The following ANKRD44 variants were observed in gnomAD, a reference collection of about 807,000 sequenced individuals.
ANKRD44 encodes the protein ankyrin repeat domain 44, also known as serine/threonine-protein phosphatase 6 regulatory ankyrin repeat subunit B.
Under a neutral mutation model 116.0 loss-of-function variants are expected in ANKRD44, and 35 were observed. The ratio of observed to expected loss-of-function variants is 0.30; its 90% confidence interval spans 0.23 to 0.40. The LOEUF (loss-of-function observed/expected upper bound fraction) is 0.40. Among genes scored for constraint, ANKRD44 ranks in the 10% least tolerant of loss-of-function variants. The pLI is 1.00. For synonymous variants in ANKRD44, 435 were observed against 461.8 expected, an observed-to-expected ratio of 0.94 and a Z score of 0.74; for missense variants, 1,014 against 1,242.6, an observed-to-expected ratio of 0.82 and a Z score of 2.77.
chr2:197,169,582 C>T (rs944270309), intron 2 of ANKRD44, among the ~76,000 whole-genome samples: 2 of 152,194 alleles, frequency 1.3e-5, no homozygotes, highest in African/African-American at 2.4e-5. Flanking sequence ...ACCTCCAGAA[C>T]ATCTGTTTTC....
chr2:197,174,489 C>T (rs964928452), intron 2 of ANKRD44, among the ~76,000 whole-genome samples: 6 of 152,126 alleles, frequency 3.9e-5, no homozygotes, highest in African/African-American at 1.2e-4. Flanking sequence ...ACATATGTAA[C>T]GTTTTTAAAG....
At position 197,273,746 on chromosome 2, in the gene ANKRD44, C is replaced by T. The variant is rs116220125; in HGVS notation, c.27+36832G>A. ...GTTGGCTGGAGCCTGGGAAGTGATACCTTGAAGGCCTAAGGCCCTAAATCA... is the reference window on the plus strand; with the variant it reads ...GTTGGCTGGAGCCTGGGAAGTGATATCTTGAAGGCCTAAGGCCCTAAATCA... On this transcript the variant is annotated intron_variant, in intron 1 of 27. Coordinates refer to ENST00000282272, the MANE Select transcript of ANKRD44 (RefSeq NM_001195144.2). Among the ~76,000 whole-genome samples the T allele has an allele frequency of 8.5e-3, 1,299 of 152,050 alleles. 15 individuals are homozygous for T. The highest frequency in any genetic ancestry group is 0.013 in the Non-Finnish European group (873 of 67,984).
chr2:197,227,608 AAC>A lies in ANKRD44; in HGVS notation c.28-40504_28-40503del, dbSNP rs1491036708. 5.3e-3 allele frequency among the ~76,000 whole-genome samples: 799 copies of A among 152,060 alleles called. 6 individuals carry two copies. Among genetic ancestry groups the A allele is most frequent in the African/African-American group, 0.018 (751 of 41,440 alleles). ...AAAAAGTGTTTGTTTTACCAAAAAA[AAC>A]AAAAATCCTTTGGGGGCAAGAAGAA... On this transcript the variant is annotated intron_variant, in intron 1 of 27. Coordinates refer to ENST00000282272, the MANE Select transcript of ANKRD44 (RefSeq NM_001195144.2).
intron 21 of ANKRD44, among the ~76,000 whole-genome samples, chr2:196,979,446 G>A (rs2075784195): frequency 1.4e-5 from 2 of 147,120 alleles, no homozygotes; most frequent in African/African-American, 5.0e-5. Flanking sequence ...TTTTAAGGAT[G>A]TAAAGCACTC....
intron 15 of ANKRD44, among the ~76,000 whole-genome samples, chr2:197,079,612 A>G (rs2077748622): frequency 1.3e-5 from 2 of 152,370 alleles, no homozygotes; most frequent in South Asian, 4.1e-4. Flanking sequence ...CTGCTGGGAA[A>G]GAGGGAGTCA....
At chr2:197,059,306 G>A (rs892732883) in intron 16 of ANKRD44, among the ~76,000 whole-genome samples, 1 of 152,170 alleles carries the variant, frequency 6.6e-6, no homozygotes, top group Admixed American at 6.5e-5. Context: ...TTTCTTACCT[G>A]CTCTTTGTCC....
At chr2:196,996,719 A>C (rs1424001343) in intron 25 of ANKRD44, among the ~76,000 whole-genome samples, 1 of 152,082 alleles carries the variant, frequency 6.6e-6, no homozygotes, top group Non-Finnish European at 1.5e-5. Flanking sequence ...CCTAGCCAGC[A>C]TGGTGAAACT....
chr2:197,304,232 A>G (rs1401073191), intron 1 of ANKRD44, among the ~76,000 whole-genome samples: 1 of 152,158 alleles, frequency 6.6e-6, no homozygotes, highest in Non-Finnish European at 1.5e-5. Flanking sequence ...CTTGAACCCC[A>G]GGAGGGGGTC....
At chr2:197,139,763 A>G (rs1228918931) in intron 3 of ANKRD44, among the ~76,000 whole-genome samples, 1 of 152,036 alleles carries the variant, frequency 6.6e-6, no homozygotes, top group Non-Finnish European at 1.5e-5. Context: ...AATATTTTCT[A>G]ACAAAATATT....
chr2:197,277,172 C>G (rs1471415191), intron 1 of ANKRD44, among the ~76,000 whole-genome samples: 1 of 151,780 alleles, frequency 6.6e-6, no homozygotes, highest in Non-Finnish European at 1.5e-5. Context: ...TGTGATTGGC[C>G]CACCTCGGCC....
At chr2:196,993,488 G>A in intron 27 of ANKRD44, 95 bp downstream of exon 27, 1 of 968,926 alleles carries the variant, frequency 1.0e-6, no homozygotes, top group Non-Finnish European at 1.6e-6. Context: ...GAATTCTTAA[G>A]TGCCTTTTAT....
At chr2:197,023,456 C>T (rs935781575) in intron 17 of ANKRD44, among the ~76,000 whole-genome samples, 1 of 152,150 alleles carries the variant, frequency 6.6e-6, no homozygotes, top group Non-Finnish European at 1.5e-5. Context: ...TCTCTGTCAG[C>T]TGCAGAACTA....
At chr2:197,010,672 A>G (rs1455847166) in intron 18 of ANKRD44, among the ~76,000 whole-genome samples, 4 of 152,018 alleles carry the variant, frequency 2.6e-5, no homozygotes, top group Admixed American at 6.5e-5. Flanking sequence ...CTTCCCACTC[A>G]GGGAGTAAGA....
chr2:197,126,160 C>G (rs2078970209), intron 4 of ANKRD44, 123 bp from the exon 5 acceptor site: 1 of 870,968 alleles, frequency 1.1e-6, no homozygotes, highest in African/African-American at 1.7e-5. Flanking sequence ...TACAGGCTGG[C>G]TCCAGACAAG....
chr2:197,198,066 A>C (rs1302967056), intron 1 of ANKRD44: 1 of 152,260 alleles, frequency 6.6e-6, no homozygotes, highest in East Asian at 1.9e-4. Context: ...GGGAGGATTT[A>C]AACAGGTAGA....
intron 21 of ANKRD44, among the ~76,000 whole-genome samples, chr2:196,974,164 C>A (rs950262478): frequency 6.6e-6 from 1 of 151,922 alleles, no homozygotes; most frequent in Non-Finnish European, 1.5e-5. Flanking sequence ...CTCACTGCAG[C>A]CTCTATCTCC....
At chr2:197,078,170 A>G (rs972931439) in intron 16 of ANKRD44, 1 of 157,674 alleles carries the variant, frequency 6.3e-6, no homozygotes, top group Non-Finnish European at 1.4e-5. Flanking sequence ...TATCATGACA[A>G]TTATGACATG....
At chr2:197,109,087 G>A (rs1158334134) in intron 9 of ANKRD44, among the ~76,000 whole-genome samples, 1 of 152,200 alleles carries the variant, frequency 6.6e-6, no homozygotes, top group Non-Finnish European at 1.5e-5. Context: ...TGCTTAGAAG[G>A]AGAAAAGTTG....
chr2:197,040,406 T>A, intron 16 of ANKRD44, among the ~76,000 whole-genome samples: 1 of 134,906 alleles, frequency 7.4e-6, no homozygotes, highest in African/African-American at 2.8e-5. Flanking sequence ...AGACAGACTG[T>A]CACTCTGTCA....
Sources: gnomAD v4.1 joint callset for allele counts (sites outside exome capture counted in the v4.1 genomes callset) on GRCh38, gnomAD v4.1.1 for gene constraint, MANE v1.5 for transcripts, NCBI Gene and HGNC (gene_info 2026-07-23, HGNC 2026-07-21) for gene names.